The following ERICH3 variants were observed in gnomAD, a reference collection of about 807,000 sequenced individuals.
ERICH3 encodes glutamate-rich protein 3.
ERICH3 carries 126 observed loss-of-function variants against 131.1 expected under a neutral mutation model. The ratio of observed to expected loss-of-function variants is 0.96; its 90% confidence interval spans 0.83 to 1.11. The LOEUF (loss-of-function observed/expected upper bound fraction) is 1.11. Ranked by LOEUF, ERICH3 falls within the 50% of genes most tolerant of loss-of-function variation. The pLI is 0.00. For missense variants in ERICH3, 2,050 were observed against 1,810.7 expected, an observed-to-expected ratio of 1.13 and a Z score of -2.40; for synonymous variants, 695 against 644.6, an observed-to-expected ratio of 1.08 and a Z score of -1.18.
At chr1:74,615,485 T>C (rs936327423) in intron 8 of ERICH3, among the ~76,000 whole-genome samples, 3 of 152,220 alleles carry the variant, frequency 2.0e-5, no homozygotes, top group Non-Finnish European at 4.4e-5. Context: ...TTATTTATTG[T>C]TCACTGACAG....
At chr1:74,634,629 T>C (rs555541416) in intron 6 of ERICH3, 11 of 712,704 alleles carry the variant, frequency 1.5e-5, no homozygotes, top group Middle Eastern at 2.3e-4. Flanking sequence ...CAAAGTAGCA[T>C]TAATAATTAT....
intron 9 of ERICH3, among the ~76,000 whole-genome samples, chr1:74,607,387 A>T (rs769859362): frequency 6.6e-6 from 1 of 152,052 alleles, no homozygotes; most frequent in Non-Finnish European, 1.5e-5. Flanking sequence ...GCAAGATGCC[A>T]TTCAGTCTGA....
intron 1 of ERICH3, among the ~76,000 whole-genome samples, chr1:74,670,746 G>A (rs894300347): frequency 1.3e-5 from 2 of 152,106 alleles, no homozygotes; most frequent in Non-Finnish European, 2.9e-5. Context: ...AGGGAACAAG[G>A]GAAGACAACC....
At position 74,589,839 on chromosome 1, in the gene ERICH3, G is replaced by A; in HGVS notation, c.1968C>T (p.Thr656=). The A allele has an allele frequency of 6.2e-7, 1 of 1,613,816 alleles. No individual in the cohort carries two copies. The highest frequency in any genetic ancestry group is 8.5e-7 in the Non-Finnish European group (1 of 1,179,960). ...AGCTTTCGTCTATTGGCATCGGCTTGGTCTCCACATCTGCTTTTGTTATTT... is the reference window on the plus strand; with the variant it reads ...AGCTTTCGTCTATTGGCATCGGCTTAGTCTCCACATCTGCTTTTGTTATTT... ...DQEITKADVE[T]KPMPIDESFE... is the part of the protein sequence containing the mutation. The change falls in exon 12 of 15, where the codon ACC becomes ACT. Residue 656 remains threonine (T), a synonymous_variant. Transcript: ENST00000326665.
intron 12 of ERICH3, among the ~76,000 whole-genome samples, chr1:74,587,324 CAAAAAAAAAAAAAA>C (rs11330631): frequency 1.8e-5 from 1 of 56,286 alleles, no homozygotes; most frequent in Admixed American, 2.0e-4. Flanking sequence ...GACTCCATCT[CAAAAAAAAAAAAAA>C]AAAAAAAAAA....
intron 12 of ERICH3, chr1:74,579,823 T>G (rs780428550): frequency 2.0e-4 from 194 of 985,114 alleles, no homozygotes; most frequent in Non-Finnish European, 2.2e-4. Flanking sequence ...TCAATAAAGG[T>G]GACCACTGGA....
chr1:74,597,073 G>C (rs1295254663), intron 11 of ERICH3, among the ~76,000 whole-genome samples: 1 of 152,046 alleles, frequency 6.6e-6, no homozygotes, highest in Admixed American at 6.6e-5. Flanking sequence ...ACTGGTGTCT[G>C]GGATTCAGTG....
At chr1:74,647,612 T>TTAA (rs1172282168) in intron 2 of ERICH3, among the ~76,000 whole-genome samples, 1 of 152,126 alleles carries the variant, frequency 6.6e-6, no homozygotes, top group Non-Finnish European at 1.5e-5. Context: ...TGTTGATTTG[T>TTAA]TGTATTGTTT....
chr1:74,647,009 G>A (rs1223616443), intron 2 of ERICH3, among the ~76,000 whole-genome samples: 1 of 150,562 alleles, frequency 6.6e-6, no homozygotes, highest in Non-Finnish European at 1.5e-5. Context: ...GGGAGAGAAA[G>A]CATCAGTAGC....
intron 10 of ERICH3, among the ~76,000 whole-genome samples, chr1:74,605,375 G>A (rs143465807): frequency 6.6e-6 from 1 of 151,892 alleles, no homozygotes; most frequent in Non-Finnish European, 1.5e-5. Flanking sequence ...TTCACTTGAA[G>A]TAGCACTCTT....
At chr1:74,652,531 C>T (rs1349398612) in intron 1 of ERICH3, among the ~76,000 whole-genome samples, 1 of 150,388 alleles carries the variant, frequency 6.6e-6, no homozygotes, top group Non-Finnish European at 1.5e-5. Flanking sequence ...TACTTACTCC[C>T]TTCACTTTTC....
chr1:74,571,238 A>G lies in ERICH3; in HGVS notation c.4472T>C (p.Leu1491Pro), dbSNP rs377014512. ...EGERELSPES[L>P]QAMATLPVKP... is the part of the protein sequence containing the mutation. ...CACTGGAAGTGTTGCCATCGCCTGTAGACTCTCCGGACTCAATTCCCTCTC... is the reference window on the plus strand; with the variant it reads ...CACTGGAAGTGTTGCCATCGCCTGTGGACTCTCCGGACTCAATTCCCTCTC... Residue 1491 changes from leucine to proline, a missense_variant, in exon 14 of 15, where the codon CTA (leucine) becomes CCA (proline). Transcript: ENST00000326665. 61 of 1,613,906 alleles carry G rather than the reference A, an allele frequency of 3.8e-5. No individual in the cohort carries two copies. The highest frequency in any genetic ancestry group is 4.8e-5 in the Non-Finnish European group (57 of 1,179,996).
At chr1:74,583,284 C>G (rs1345879743) in intron 12 of ERICH3, among the ~76,000 whole-genome samples, 1 of 152,016 alleles carries the variant, frequency 6.6e-6, no homozygotes, top group East Asian at 1.9e-4. Flanking sequence ...TATATACATT[C>G]CACAACCCTA....
chr1:74,581,040 T>C (rs1647168678), intron 12 of ERICH3, among the ~76,000 whole-genome samples: 1 of 152,196 alleles, frequency 6.6e-6, no homozygotes, highest in Admixed American at 6.6e-5. Flanking sequence ...TTTTCCTGTA[T>C]AGTCGTATGT....
chr1:74,572,151 C>G lies in ERICH3; in HGVS notation c.3559G>C (p.Asp1187His). The G allele has an allele frequency of 6.2e-7, 1 of 1,613,954 alleles. No homozygotes were observed. Among genetic ancestry groups the G allele is most frequent in the Non-Finnish European group, 8.5e-7 (1 of 1,179,958 alleles). Reference sequence around the variant, plus strand: ...TCTTCTCTGTCTTTGTGCTCTGTGTCTCTGGCTTCACTCAGTCTTTCCCCT... The same window carrying G: ...TCTTCTCTGTCTTTGTGCTCTGTGTGTCTGGCTTCACTCAGTCTTTCCCCT... Reference protein sequence around the residue: ...GGGERLSEARDTEHKDREELS... With the variant: ...GGGERLSEARHTEHKDREELS... Residue 1187 changes from aspartate (D) to histidine (H), a missense_variant, in exon 14 of 15, where the codon GAC becomes CAC. Physicochemically the swap from Asp to His is moderately conservative, Grantham distance 81 (BLOSUM62 -1). Transcript: ENST00000326665.
At position 74,571,240 on chromosome 1, in the gene ERICH3, ACT is replaced by A. The variant is rs903054014; in HGVS notation, c.4468_4469del (p.Leu1491ThrfsTer11). 2 of 1,613,026 alleles carry A rather than the reference ACT, an allele frequency of 1.2e-6. No homozygotes were observed. The highest frequency in any genetic ancestry group is 1.7e-6 in the Non-Finnish European group (2 of 1,179,794). On this transcript the variant is annotated frameshift_variant, in exon 14 of 15. Transcript: ENST00000326665. LOFTEE classifies it high-confidence loss of function. Reference protein sequence around the residue: ...REGERELSPESLQAMATLPVK... With the variant: ...REGERELSPEXLQAMATLPVK... ...CTGGAAGTGTTGCCATCGCCTGTAG[ACT>A]CTCCGGACTCAATTCCCTCTCTCCC...
chr1:74,572,747 A>C lies in ERICH3; in HGVS notation c.2963T>G (p.Met988Arg), dbSNP rs201222178. The change falls in exon 14 of 15, where the codon ATG becomes AGG. Residue 988 changes from methionine (M) to arginine (R), a missense_variant. By Grantham distance (91) the Met-to-Arg change is moderately conservative. Transcript: ENST00000326665. Reference protein sequence around the residue: ...EEPAKERKEVMRTETRLSPFT... With the variant: ...EEPAKERKEVRRTETRLSPFT... ...GGGGCTCAAGCGTGTTTCTGTTCTC[A>C]TAACCTCTTTTCTCTCTTTGGCTGG... is the stretch of plus-strand genomic sequence containing the variant. The C allele has an allele frequency of 4.7e-5, 76 of 1,613,292 alleles. No homozygotes were observed. The highest frequency in any genetic ancestry group is 6.4e-5 in the Non-Finnish European group (75 of 1,179,864).
intron 11 of ERICH3, chr1:74,591,994 C>A (rs559631299): frequency 6.6e-6 from 1 of 152,172 alleles, no homozygotes; most frequent in Admixed American, 6.6e-5. Context: ...CCTGTCTTTG[C>A]GCTTATCCTC....
intron 7 of ERICH3, among the ~76,000 whole-genome samples, chr1:74,626,913 G>T (rs1649436725): frequency 6.6e-6 from 1 of 152,140 alleles, no homozygotes. Flanking sequence ...CATTCATAGA[G>T]GAGCAGGTGG....
Sources: allele counts gnomAD v4.1 joint callset (sites outside exome capture counted in the v4.1 genomes callset), GRCh38; gene constraint gnomAD v4.1.1; transcripts MANE v1.5; gene names NCBI Gene and HGNC (gene_info 2026-07-23, HGNC 2026-07-21).